MROH9: variants seen among roughly 807,000 people sequenced by gnomAD.
MROH9 encodes maestro heat like repeat family member 9.
A neutral mutation model predicts 98.2 loss-of-function variants in MROH9; 92 were observed. The ratio of observed to expected loss-of-function variants is 0.94; its 90% confidence interval spans 0.79 to 1.11. The LOEUF (loss-of-function observed/expected upper bound fraction) is 1.11, where lower values mean the gene tolerates loss of function less well. Among genes scored for constraint, MROH9 ranks in the 50% most tolerant of loss-of-function variants. The pLI is 0.00. For missense variants in MROH9, 1,057 were observed against 1,014.8 expected, an observed-to-expected ratio of 1.04 and a Z score of -0.57; for synonymous variants, 397 against 368.9, an observed-to-expected ratio of 1.08 and a Z score of -0.87.
At chr1:171,015,053 T>A (rs776340887) in intron 16 of MROH9, 5 of 471,680 alleles carry the variant, frequency 1.1e-5, no homozygotes, top group Non-Finnish European at 8.8e-6. Context: ...AATTCTACAC[T>A]CCAAAGTATC....
chr1:170,990,512 A>C (rs1426774682), intron 11 of MROH9, among the ~76,000 whole-genome samples: 1 of 152,212 alleles, frequency 6.6e-6, no homozygotes, highest in Non-Finnish European at 1.5e-5. Context: ...GAAAAGTTTA[A>C]GAAGAAAAAA....
intron 8 of MROH9, among the ~76,000 whole-genome samples, chr1:170,976,616 G>A (rs894057424): frequency 8.5e-5 from 13 of 152,094 alleles, no homozygotes; most frequent in African/African-American, 2.7e-4. Flanking sequence ...GCATGGTGGT[G>A]TGTGCCTGTA....
At position 170,975,299 on chromosome 1, in the gene MROH9, A is replaced by C. The variant is rs1650638307; in HGVS notation, c.616+3416A>C. 2.0e-5 allele frequency among the ~76,000 whole-genome samples: 3 copies of C among 152,134 alleles called. No homozygotes were observed. The South Asian group carries it at 6.2e-4, about 32-fold the overall frequency. On this transcript the variant is annotated intron_variant, in intron 8 of 21. Transcript: ENST00000367759. ...ATGATATAACATGTTAACAATAATA[A>C]AAAGAAAATTGGAGTGGCTATATTC...
Position 171,064,227 on chromosome 1 carries a change from CTTAAA to C in MROH9, c.2477_2481del (p.Lys826IlefsTer13). Reference sequence around the variant, plus strand: ...TCTTAAACAAAACTTCCAAAAATTGCTTAAATTATTCTACATCAAAAAATTGAAGC... The same window carrying C: ...TCTTAAACAAAACTTCCAAAAATTGCTTATTCTACATCAAAAAATTGAAGC... On this transcript the variant is annotated frameshift_variant, in exon 22 of 22. Transcript: ENST00000367759. LOFTEE classifies it low-confidence loss of function (END_TRUNC). The C allele has an allele frequency of 6.4e-7, 1 of 1,551,486 alleles. No homozygotes were observed. The highest frequency in any genetic ancestry group is 8.7e-7 in the Non-Finnish European group (1 of 1,146,914).
intron 15 of MROH9, chr1:170,998,874 C>A: frequency 2.2e-6 from 1 of 459,292 alleles, no homozygotes; most frequent in Non-Finnish European, 2.9e-6. Context: ...GTGAAGTGCC[C>A]AATACTTTCA....
Position 171,062,176 on chromosome 1 carries a change from A to C in MROH9, c.2326A>C (p.Ile776Leu). ...SGGHLLLRDE[I>L]EVMLDVIERL... ...TGGTCATTTACTGCTTAGAGATGAAATCGAAGTCATGCTTGATGGTGAGTA... is the reference window on the plus strand; with the variant it reads ...TGGTCATTTACTGCTTAGAGATGAACTCGAAGTCATGCTTGATGGTGAGTA... Residue 776 changes from isoleucine (I) to leucine (L), a missense_variant, in exon 21 of 22, where the codon ATC (isoleucine) becomes CTC (leucine). Coordinates refer to ENST00000367759, the MANE Select transcript of MROH9 (RefSeq NM_001163629.2). 1 of 1,549,742 alleles carries C rather than the reference A, an allele frequency of 6.5e-7. No individual in the cohort carries two copies. Among genetic ancestry groups the C allele is most frequent in the Non-Finnish European group, 8.7e-7 (1 of 1,145,340 alleles).
Position 170,947,442 on chromosome 1 carries a change from G to A in MROH9, c.26-85G>A, listed in dbSNP as rs1004342703. On this transcript the variant is annotated intron_variant, in intron 2 of 21. Transcript: ENST00000367759. ...GGGCTTTGACATCAAGGTCATAGTAGCTTCAGGTTTGGAAATAAGGCCCCA... is the reference window on the plus strand; with the variant it reads ...GGGCTTTGACATCAAGGTCATAGTAACTTCAGGTTTGGAAATAAGGCCCCA... 14 of 1,103,720 alleles carry A rather than the reference G, an allele frequency of 1.3e-5. No individual in the cohort carries two copies. The African/African-American group carries it at 1.9e-4, about 15-fold the overall frequency. The allele number at this position is 1,103,720 out of a possible 1,614,324, so 68.4% of individuals were successfully genotyped here. A position where few individuals can be genotyped will look rare whatever the true frequency, so the allele number is the denominator to read the frequency against.
intron 12 of MROH9, among the ~76,000 whole-genome samples, chr1:170,993,941 A>G (rs1181132692): frequency 6.6e-6 from 1 of 152,116 alleles, no homozygotes; most frequent in African/African-American, 2.4e-5. Context: ...AATTTGCTAT[A>G]TACTACATAT....
At chr1:170,976,983 C>T (rs1047923746) in intron 8 of MROH9, among the ~76,000 whole-genome samples, 2 of 151,964 alleles carry the variant, frequency 1.3e-5, no homozygotes, top group Non-Finnish European at 2.9e-5. Context: ...ATTCAGAGAG[C>T]CAGTCTTCAA....
chr1:171,042,839 T>G (rs1415043454), intron 20 of MROH9, among the ~76,000 whole-genome samples: 1 of 152,156 alleles, frequency 6.6e-6, no homozygotes, highest in Non-Finnish European at 1.5e-5. Context: ...GATTATTAGA[T>G]GTTTTTCCTA....
intron 2 of MROH9, 79 bp from the exon 3 acceptor site, chr1:170,947,448 G>C: frequency 8.3e-7 from 1 of 1,202,866 alleles, no homozygotes. Context: ...AGTAGCTTCA[G>C]GTTTGGAAAT....
rs144099602 is a variant in MROH9 at position 170,953,791 on chromosome 1, G to T, written c.73-4670G>T. On this transcript the variant is annotated intron_variant, in intron 3 of 21. Coordinates refer to ENST00000367759, the MANE Select transcript of MROH9 (RefSeq NM_001163629.2). Reference sequence around the variant, plus strand: ...AGAAAGGATGGAGAGAGGGAGGGGAGGGAGGAGAGGGAGAGAGAGAGAGAG... The same window carrying T: ...AGAAAGGATGGAGAGAGGGAGGGGATGGAGGAGAGGGAGAGAGAGAGAGAG... Among the ~76,000 whole-genome samples, 722 of 149,940 alleles carry T rather than the reference G, an allele frequency of 4.8e-3. 3 individuals are homozygous for T. The highest frequency in any genetic ancestry group is 0.017 in the African/African-American group (696 of 40,806).
rs1036814849 is a variant in MROH9, at chr1:171,024,743, T to C, written c.2156T>C (p.Val719Ala). 2 of 1,548,206 alleles carry C rather than the reference T, an allele frequency of 1.3e-6. No individual in the cohort carries two copies. Among genetic ancestry groups the C allele is most frequent in the African/African-American group, 2.7e-5 (2 of 73,096 alleles). The change falls in exon 19 of 22, where the codon GTG becomes GCG. Residue 719 changes from valine to alanine, a missense_variant. Physicochemically the swap from Val to Ala is moderately conservative, Grantham distance 64. Coordinates refer to ENST00000367759, the MANE Select transcript of MROH9 (RefSeq NM_001163629.2). ...GAAAATTACAGTTTTGAGATGGTGG[T>C]GCTCAATATCTGTAACAATCTTGTA... ...KDENYSFEMV[V>A]LNICNNLIIS...
At chr1:171,036,039 T>C (rs1653088099) in intron 20 of MROH9, among the ~76,000 whole-genome samples, 1 of 152,088 alleles carries the variant, frequency 6.6e-6, no homozygotes, top group South Asian at 2.1e-4. Flanking sequence ...ATTCACACAA[T>C]GAAATACTAC....
intron 11 of MROH9, among the ~76,000 whole-genome samples, chr1:170,991,873 C>G (rs772458949): frequency 3.3e-5 from 5 of 152,102 alleles, no homozygotes; most frequent in African/African-American, 4.8e-5. Flanking sequence ...GAAAGCTGAT[C>G]AGTTCTTGAC....
At chr1:170,956,007 A>T (rs1225982108) in intron 3 of MROH9, among the ~76,000 whole-genome samples, 1 of 152,162 alleles carries the variant, frequency 6.6e-6, no homozygotes, top group Non-Finnish European at 1.5e-5. Flanking sequence ...GTAAGAGATG[A>T]GGATCCAGTT....
intron 6 of MROH9, among the ~76,000 whole-genome samples, chr1:170,964,782 G>A (rs1018258867): frequency 2.0e-5 from 3 of 152,054 alleles, no homozygotes; most frequent in Non-Finnish European, 2.9e-5. Context: ...CTGAAAGGCA[G>A]ATTGTCATTT....
chr1:170,980,277 C>G (rs530586109), intron 8 of MROH9, among the ~76,000 whole-genome samples: 1 of 152,196 alleles, frequency 6.6e-6, no homozygotes, highest in Admixed American at 6.5e-5. Context: ...CCCCGTAGAG[C>G]CAAGACAGTC....
intron 11 of MROH9, among the ~76,000 whole-genome samples, chr1:170,990,385 T>C (rs1214515344): frequency 6.6e-6 from 1 of 152,206 alleles, no homozygotes; most frequent in African/African-American, 2.4e-5. Flanking sequence ...ACATGTAGTG[T>C]TTTTCTTGTT....
Sources: allele counts gnomAD v4.1 joint callset (sites outside exome capture counted in the v4.1 genomes callset), GRCh38; gene constraint gnomAD v4.1.1; transcripts MANE v1.5; gene names NCBI Gene and HGNC (gene_info 2026-07-23, HGNC 2026-07-21).